Variants in GRIK1 observed in about 807,000 individuals in gnomAD.
GRIK1 encodes glutamate receptor ionotropic, kainate 1.
A neutral mutation model predicts 105.7 loss-of-function variants in GRIK1; 69 were observed. The observed-to-expected ratio is 0.65, with a 90% CI of 0.54 to 0.80. GRIK1 has a LOEUF of 0.80. Among genes scored for constraint, GRIK1 ranks in the 30% least tolerant of loss-of-function variants. The pLI is 0.00. For synonymous variants in GRIK1, 438 were observed against 431.3 expected (o/e 1.02, Z -0.19); for missense variants, 1,109 against 1,167.3 (o/e 0.95, Z 0.73).
intron 14 of GRIK1, among the ~76,000 whole-genome samples, chr21:29,566,357 CATTT>C (rs1420511919): frequency 1.3e-5 from 2 of 152,178 alleles, no homozygotes; most frequent in Non-Finnish European, 2.9e-5. Flanking sequence ...GAAAAAGCCT[CATTT>C]ATTAAATCTG....
intron 1 of GRIK1, among the ~76,000 whole-genome samples, chr21:29,746,468 A>G (rs1344631213): frequency 6.6e-6 from 1 of 152,262 alleles, no homozygotes; most frequent in Non-Finnish European, 1.5e-5. Context: ...AATACAGAGG[A>G]TAACCTTCCT....
chr21:29,859,681 G>T (rs982901699), intron 1 of GRIK1, among the ~76,000 whole-genome samples: 13 of 152,314 alleles, frequency 8.5e-5, no homozygotes, highest in African/African-American at 3.1e-4. Flanking sequence ...TGATTTATCA[G>T]CACTGGGTGG....
At chr21:29,563,000 C>G (rs2090520113) in intron 14 of GRIK1, among the ~76,000 whole-genome samples, 1 of 151,990 alleles carries the variant, frequency 6.6e-6, no homozygotes, top group African/African-American at 2.4e-5. Context: ...AATTTCCATA[C>G]AGTTCCAATT....
intron 15 of GRIK1, among the ~76,000 whole-genome samples, chr21:29,558,205 C>T (rs2146141844): frequency 6.6e-6 from 1 of 152,194 alleles, no homozygotes; most frequent in African/African-American, 2.4e-5. Context: ...TGGGACAGAG[C>T]TTGCAGCCAT....
chr21:29,874,721 G>C (rs1268814704), intron 1 of GRIK1, among the ~76,000 whole-genome samples: 1 of 152,182 alleles, frequency 6.6e-6, no homozygotes, highest in East Asian at 1.9e-4. Context: ...AATTCTGTAT[G>C]TGGAGAGAAG....
intron 1 of GRIK1, among the ~76,000 whole-genome samples, chr21:29,892,953 C>CGAG (rs2069957863): frequency 1.3e-5 from 2 of 152,182 alleles, no homozygotes; most frequent in Non-Finnish European, 2.9e-5. Flanking sequence ...GCGGGTGGAT[C>CGAG]ACCCGAGGTC....
At chr21:29,613,188 C>T (rs915335622) in intron 7 of GRIK1, among the ~76,000 whole-genome samples, 1 of 152,182 alleles carries the variant, frequency 6.6e-6, no homozygotes, top group Non-Finnish European at 1.5e-5. Context: ...ATGATCTTGA[C>T]CTACTTAAGA....
chr21:29,829,612 A>T (rs765816041), intron 1 of GRIK1, among the ~76,000 whole-genome samples: 1 of 152,162 alleles, frequency 6.6e-6, no homozygotes, highest in Non-Finnish European at 1.5e-5. Flanking sequence ...TAAATGATCG[A>T]TTCTGCCACC....
chr21:29,669,385 T>A (rs183981985), intron 4 of GRIK1, among the ~76,000 whole-genome samples: 1 of 152,266 alleles, frequency 6.6e-6, no homozygotes, highest in Admixed American at 6.5e-5. Context: ...GGCAGAGAAA[T>A]GTTCTTGGCA....
intron 1 of GRIK1, among the ~76,000 whole-genome samples, chr21:29,734,297 C>T (rs1050079466): frequency 6.6e-6 from 1 of 152,232 alleles, no homozygotes; most frequent in Non-Finnish European, 1.5e-5. Flanking sequence ...GTCCACTTCC[C>T]ACACTACAGA....
chr21:29,555,469 A>C (rs898594453), intron 15 of GRIK1, among the ~76,000 whole-genome samples, 167 bp from the exon 16 acceptor site: 2 of 152,180 alleles, frequency 1.3e-5, no homozygotes, highest in Non-Finnish European at 2.9e-5. Context: ...TTTTGAAGGC[A>C]CTATATAATT....
At chr21:29,743,881 C>T (rs77072206) in intron 1 of GRIK1, among the ~76,000 whole-genome samples, 4,024 of 152,078 alleles carry the variant, frequency 0.026, 97 homozygotes, top group Non-Finnish European at 0.041. Context: ...GAAATTTAAA[C>T]GGTGTCATAA....
chr21:29,840,256 C>T (rs1204760004), intron 1 of GRIK1, among the ~76,000 whole-genome samples: 7 of 152,062 alleles, frequency 4.6e-5, no homozygotes, highest in Non-Finnish European at 8.8e-5. Context: ...TATGCCTCAC[C>T]AGCAATACAA....
chr21:29,626,872 C>T (rs1022750568), intron 7 of GRIK1, among the ~76,000 whole-genome samples: 1 of 152,108 alleles, frequency 6.6e-6, no homozygotes, highest in Non-Finnish European at 1.5e-5. Context: ...AGAATGGGTT[C>T]CATTAGCAAT....
At chr21:29,659,382 T>G (rs2062917542) in intron 4 of GRIK1, among the ~76,000 whole-genome samples, 1 of 152,222 alleles carries the variant, frequency 6.6e-6, no homozygotes, top group East Asian at 1.9e-4. Context: ...TCACCATTGT[T>G]AGTTAATTCT....
At chr21:29,762,243 C>A (rs545206314) in intron 1 of GRIK1, among the ~76,000 whole-genome samples, 3 of 152,204 alleles carry the variant, frequency 2.0e-5, no homozygotes, top group Admixed American at 6.5e-5. Context: ...TGTCAGTCTG[C>A]ATGTCTTTCC....
At chr21:29,720,840 C>G (rs1211949754) in intron 1 of GRIK1, among the ~76,000 whole-genome samples, 1 of 152,114 alleles carries the variant, frequency 6.6e-6, no homozygotes, top group Non-Finnish European at 1.5e-5. Flanking sequence ...GCAGATAAAA[C>G]TGAAAGAGTT....
chr21:29,762,065 C>T (rs2065540645), intron 1 of GRIK1, among the ~76,000 whole-genome samples: 1 of 152,194 alleles, frequency 6.6e-6, no homozygotes, highest in Non-Finnish European at 1.5e-5. Context: ...TTCTATCGCA[C>T]AAAATAAAGT....
chr21:29,560,339 CTTTCTTTCTTTCTTTCTTTTTCTTT>C (rs1568813009), intron 15 of GRIK1, among the ~76,000 whole-genome samples: 7 of 115,798 alleles, frequency 6.0e-5, no homozygotes, highest in Non-Finnish European at 1.1e-4. Flanking sequence ...TTCTTTCTTT[CTTTCTTTCTTTCTTTCTTTTTCTTT>C]CTTCCTTCCT....
Sources: gnomAD v4.1 joint callset for allele counts (sites outside exome capture counted in the v4.1 genomes callset) on GRCh38, gnomAD v4.1.1 for gene constraint, MANE v1.5 for transcripts, NCBI Gene and HGNC (gene_info 2026-07-23, HGNC 2026-07-21) for gene names.